Variants in SNX9 observed in about 807,000 individuals in gnomAD.
SNX9 encodes the protein sorting nexin-9.
Under a neutral mutation model 89.4 loss-of-function variants are expected in SNX9, and 44 were observed. The ratio of observed to expected loss-of-function variants is 0.49; its 90% CI spans 0.39 to 0.63. The LOEUF is 0.63. SNX9 is among the 30% of genes least tolerant of loss of function. The pLI is 0.00. For missense variants in SNX9, 578 were observed against 736.1 expected (o/e 0.79, Z 2.49); for synonymous variants, 236 against 247.8 (o/e 0.95, Z 0.45).
chr6:157,898,580 G>A (rs1405153157), intron 5 of SNX9, among the ~76,000 whole-genome samples: 1 of 152,198 alleles, frequency 6.6e-6, no homozygotes, highest in Non-Finnish European at 1.5e-5. Flanking sequence ...TGCATTCACT[G>A]TTTTAACTTC....
chr6:157,875,938 C>T (rs1002649420), intron 4 of SNX9, among the ~76,000 whole-genome samples: 1 of 149,128 alleles, frequency 6.7e-6, no homozygotes, highest in Non-Finnish European at 1.5e-5. Flanking sequence ...TGCTGGAGTT[C>T]GAGACAAGCC....
rs569282797 is a variant in SNX9 at position 157,890,257 on chromosome 6, G to A, written c.301-6570G>A. Among the ~76,000 whole-genome samples, 14 of 152,274 alleles carry A rather than the reference G, an allele frequency of 9.2e-5. 1 individual carries two copies. Among genetic ancestry groups the A allele is most frequent in the Middle Eastern group, 3.4e-3 (1 of 294 alleles). On this transcript the variant is annotated intron_variant, in intron 4 of 17. Transcript: ENST00000392185. The stretch of plus-strand genomic sequence containing the variant: ...AGCACCACCATGGGTGTGCGTGTCC[G>A]TCTCCCCCACCCCTCGTGGCCATTC...
At chr6:157,905,968 G>C (rs895955196) in intron 6 of SNX9, among the ~76,000 whole-genome samples, 160 bp from the exon 7 acceptor site, 17 of 152,192 alleles carry the variant, frequency 1.1e-4, no homozygotes, top group Admixed American at 9.8e-4. Flanking sequence ...ATTGGCCATT[G>C]AACAATCTGA....
intron 5 of SNX9, among the ~76,000 whole-genome samples, chr6:157,901,442 G>T (rs1783096225): frequency 2.0e-5 from 3 of 152,292 alleles, no homozygotes; most frequent in South Asian, 2.1e-4. Context: ...CTTTTCCCCT[G>T]TGTTTCCTTC....
intron 17 of SNX9, among the ~76,000 whole-genome samples, chr6:157,941,304 G>A (rs1352022608): frequency 6.6e-6 from 1 of 152,040 alleles, no homozygotes; most frequent in African/African-American, 2.4e-5. Flanking sequence ...AATGAGATGA[G>A]GTCACCCAGC....
At chr6:157,857,638 C>T (rs1583202306) in intron 1 of SNX9, among the ~76,000 whole-genome samples, 3 of 142,328 alleles carry the variant, frequency 2.1e-5, no homozygotes, top group East Asian at 2.0e-4. Context: ...TCGTACTTTT[C>T]TAGTTTTTCC....
At chr6:157,854,985 A>G (rs1205102968) in intron 1 of SNX9, among the ~76,000 whole-genome samples, 1 of 151,498 alleles carries the variant, frequency 6.6e-6, no homozygotes, top group Non-Finnish European at 1.5e-5. Flanking sequence ...CAACACTACA[A>G]AAGGGCAAAA....
chr6:157,833,812 C>A (rs1480797705), intron 1 of SNX9, among the ~76,000 whole-genome samples: 1 of 152,172 alleles, frequency 6.6e-6, no homozygotes, highest in East Asian at 1.9e-4. Context: ...GTTGATGCAT[C>A]AGATTTACTT....
chr6:157,870,770 C>T (rs577565539), intron 2 of SNX9, among the ~76,000 whole-genome samples: 72 of 151,266 alleles, frequency 4.8e-4, no homozygotes, highest in African/African-American at 1.7e-3. Flanking sequence ...CACCTGCTCT[C>T]ACACATATAT....
intron 2 of SNX9, among the ~76,000 whole-genome samples, chr6:157,869,043 C>A (rs1782333400): frequency 6.6e-6 from 1 of 152,224 alleles, no homozygotes. Context: ...TGGCCCTTGC[C>A]CTGTGCTCCT....
At chr6:157,860,338 C>A (rs1472343388) in intron 1 of SNX9, among the ~76,000 whole-genome samples, 1 of 152,166 alleles carries the variant, frequency 6.6e-6, no homozygotes, top group African/African-American at 2.4e-5. Flanking sequence ...CCCAGGAGTT[C>A]AAGGCTGCAG....
chr6:157,858,187 A>G (rs1471966910), intron 1 of SNX9, among the ~76,000 whole-genome samples: 2 of 151,842 alleles, frequency 1.3e-5, no homozygotes, highest in Admixed American at 6.6e-5. Flanking sequence ...CACATATGCT[A>G]TCGTTCTGTT....
intron 1 of SNX9, among the ~76,000 whole-genome samples, chr6:157,838,818 TA>T (rs1406449738): frequency 3.3e-5 from 5 of 152,212 alleles, no homozygotes; most frequent in Non-Finnish European, 7.3e-5. Flanking sequence ...GGTTGTACTC[TA>T]AAATTTTATC....
rs903984602 is a variant in SNX9 at position 157,943,255 on chromosome 6, T to G, written c.*417T>G. The G allele has an allele frequency of 6.5e-6, 1 of 154,236 alleles. No homozygotes were observed. The highest frequency in any genetic ancestry group is 2.4e-5 in the African/African-American group (1 of 41,532). The allele number at this position is 154,236 out of a possible 1,614,324, so 9.6% of individuals were successfully genotyped here. The stretch of plus-strand genomic sequence containing the variant: ...GATAATTAATTACTAATTACTTTCT[T>G]AAAAACATGAACTATGCCAGAATAA... On this transcript the variant is annotated 3_prime_UTR_variant, in exon 18 of 18. Coordinates refer to ENST00000392185, the MANE Select transcript of SNX9 (RefSeq NM_016224.5).
At chr6:157,865,513 C>T (rs2115133269) in intron 1 of SNX9, among the ~76,000 whole-genome samples, 1 of 152,276 alleles carries the variant, frequency 6.6e-6, no homozygotes, top group South Asian at 2.1e-4. Context: ...GTCCCAGCCT[C>T]CAAGGATGGA....
At position 157,875,072 on chromosome 6, in the gene SNX9, G is replaced by C. The variant is rs1325998430; in HGVS notation, c.196G>C (p.Asp66His). Residue 66 changes from aspartate (D) to histidine (H), a missense_variant, in exon 4 of 18, where the codon GAT (aspartate) becomes CAT (histidine). Asp to His is a moderately conservative substitution (Grantham distance 81). Around this residue, in one of 2 missense-constraint regions of SNX9, gnomAD observed 230 missense variants for 244.7 expected, o/e 0.94. Transcript: ENST00000392185. ...YVEILPSDGK[D>H]QFSCGNSVAD... ...TCAGATTTTACCCAGTGATGGAAAA[G>C]ATCAATTTTCTTGTGGAAATTCAGT... 6.2e-7 allele frequency: 1 copy of C among 1,613,918 alleles called. No homozygotes were observed. The highest frequency in any genetic ancestry group is 8.5e-7 in the Non-Finnish European group (1 of 1,179,930).
chr6:157,909,652 A>G lies in SNX9; in HGVS notation c.706-13A>G, dbSNP rs10484997. The G allele has an allele frequency of 2.3e-3, 3,764 of 1,607,942 alleles. 78 individuals carry two copies. In the African/African-American group the frequency reaches 0.044, roughly 19 times the overall value. ...ATGTAACAAAATTACTTCTTTCTGG[A>G]ACATTGGCATAGGTTGGAGATTATG... On this transcript the variant is annotated splice_polypyrimidine_tract_variant and intron_variant, in intron 7 of 17. Transcript: ENST00000392185.
At chr6:157,880,970 A>G (rs1018303777) in intron 4 of SNX9, among the ~76,000 whole-genome samples, 71 of 152,260 alleles carry the variant, frequency 4.7e-4, no homozygotes, top group African/African-American at 1.7e-3. Context: ...TGGTTTAATA[A>G]TTGTTAATTA....
At chr6:157,875,552 A>G (rs1043704900) in intron 4 of SNX9, among the ~76,000 whole-genome samples, 1 of 152,152 alleles carries the variant, frequency 6.6e-6, no homozygotes, top group Non-Finnish European at 1.5e-5. Flanking sequence ...GGATCAGGAA[A>G]TAGATGCCCT....
Sources: allele counts gnomAD v4.1 joint callset (sites outside exome capture counted in the v4.1 genomes callset), GRCh38; gene constraint gnomAD v4.1.1; regional missense constraint gnomAD v4.1.1; transcripts MANE v1.5; gene names NCBI Gene and HGNC (gene_info 2026-07-23, HGNC 2026-07-21).